The following GMCL1 variants were observed in gnomAD, a reference collection of about 807,000 sequenced individuals.
GMCL1 encodes germ cell-less 1, spermatogenesis associated.
In GMCL1, 54 loss-of-function variants were observed where a neutral mutation model predicts 75.5. The ratio of observed to expected loss-of-function variants is 0.71; its 90% CI spans 0.57 to 0.90. The LOEUF (loss-of-function observed/expected upper bound fraction) is 0.90, where lower values mean the gene tolerates loss of function less well. Ranked by LOEUF, GMCL1 falls within the 40% of genes least tolerant of loss-of-function variation. The probability of loss-of-function intolerance (pLI) is 0.00; values close to 1 mark genes in which losing one functional copy is unlikely to be tolerated. For missense variants in GMCL1, 537 were observed against 622.7 expected, an observed-to-expected ratio of 0.86 and a Z score of 1.47; for synonymous variants, 210 against 209.6, an observed-to-expected ratio of 1.00 and a Z score of -0.02.
intron 8 of GMCL1, among the ~76,000 whole-genome samples, chr2:69,852,904 G>T (rs1170758233): frequency 1.3e-5 from 2 of 152,086 alleles, no homozygotes; most frequent in Admixed American, 1.3e-4. Flanking sequence ...TATGGATCAG[G>T]ACTACAAGAA....
chr2:69,852,011 T>C (rs1037403685), intron 8 of GMCL1, among the ~76,000 whole-genome samples: 14 of 152,206 alleles, frequency 9.2e-5, no homozygotes, highest in African/African-American at 3.4e-4. Flanking sequence ...AATTATACTT[T>C]TGTGTTACGT....
chr2:69,860,329 A>G (rs1163593843), intron 9 of GMCL1, among the ~76,000 whole-genome samples: 1 of 152,102 alleles, frequency 6.6e-6, no homozygotes, highest in African/African-American at 2.4e-5. Flanking sequence ...TAAAATAGCT[A>G]ATGTTTCCAC....
intron 5 of GMCL1, among the ~76,000 whole-genome samples, chr2:69,843,836 C>T (rs1018180901): frequency 3.9e-5 from 6 of 152,106 alleles, no homozygotes; most frequent in African/African-American, 9.7e-5. Context: ...TTGAGAGTTG[C>T]AGTACCTGTT....
chr2:69,830,072 C>T lies in GMCL1; in HGVS notation c.180C>T (p.Cys60=). The change falls in exon 1 of 14, where the codon TGC becomes TGT. Residue 60 remains cysteine (C), a synonymous_variant. Coordinates refer to ENST00000282570, the MANE Select transcript of GMCL1 (RefSeq NM_178439.5). ...GCAAGCGGAGCAGCGGGTCCTTCTG[C>T]TACTGTCACCCTGACTCGGAGACGG... ...HKRKRSSGSF[C]YCHPDSETDE... is the part of the protein sequence containing the mutation. 1.9e-6 allele frequency: 3 copies of T among 1,574,314 alleles called. No individual in the cohort carries two copies. The highest frequency in any genetic ancestry group is 2.6e-6 in the Non-Finnish European group (3 of 1,159,326).
chr2:69,859,918 TA>T (rs200377986), intron 9 of GMCL1, among the ~76,000 whole-genome samples: 1 of 150,314 alleles, frequency 6.7e-6, no homozygotes, highest in Non-Finnish European at 1.5e-5. Flanking sequence ...TTTAAGAACT[TA>T]AAAAAAAATA....
rs377187625 is a variant in GMCL1, at chr2:69,843,305, A to G, written c.692+44A>G. 14 of 1,072,806 alleles carry G rather than the reference A, an allele frequency of 1.3e-5. No individual in the cohort carries two copies. In the African/African-American group the frequency reaches 2.2e-4, roughly 17 times the overall value. The allele number at this position is 1,072,806 out of a possible 1,614,324, so 66.5% of individuals were successfully genotyped here. A position where few individuals can be genotyped will look rare whatever the true frequency, so the allele number is the denominator to read the frequency against. On this transcript the variant is annotated intron_variant, in intron 5 of 13. Coordinates refer to ENST00000282570, the MANE Select transcript of GMCL1 (RefSeq NM_178439.5). ...TTTTCTTCCTATCCCACTTTTAGGAATTTGGTTGCTTTAGTTTCTTAAGAG... is the reference window on the plus strand; with the variant it reads ...TTTTCTTCCTATCCCACTTTTAGGAGTTTGGTTGCTTTAGTTTCTTAAGAG...
chr2:69,836,081 T>C (rs1674810415), intron 1 of GMCL1, among the ~76,000 whole-genome samples: 1 of 152,170 alleles, frequency 6.6e-6, no homozygotes, highest in African/African-American at 2.4e-5. Flanking sequence ...AAGGCACTAG[T>C]TTCCCCATTT....
intron 10 of GMCL1, among the ~76,000 whole-genome samples, chr2:69,862,202 G>A (rs1310131620): frequency 5.3e-5 from 8 of 152,142 alleles, no homozygotes; most frequent in Non-Finnish European, 1.0e-4. Context: ...TATAGGTATT[G>A]TGGAGAGACT....
intron 10 of GMCL1, 31 bp from the exon 11 acceptor site, chr2:69,864,869 A>G (rs1675763376): frequency 9.5e-6 from 13 of 1,372,042 alleles, no homozygotes; most frequent in East Asian, 2.3e-5. Flanking sequence ...CATATTTTCT[A>G]TGAACGTTCA....
In GMCL1 at chr2:69,878,721, C is replaced by T. The variant is rs2168114; in HGVS notation, c.1453-188C>T. Among the ~76,000 whole-genome samples the T allele has an allele frequency of 1.1e-3, 166 of 152,324 alleles. 5 individuals are homozygous for T. In the South Asian group the frequency reaches 0.033, roughly 30 times the overall value. Reference sequence around the variant, plus strand: ...TCCTCCTTTAAGTCAGGTACTCTTACTGTCCCCATCTTACAGTGAGGAAGC... The same window carrying T: ...TCCTCCTTTAAGTCAGGTACTCTTATTGTCCCCATCTTACAGTGAGGAAGC... On this transcript the variant is annotated intron_variant, in intron 13 of 13. Transcript: ENST00000282570.
chr2:69,840,177 G>C (rs745411714), intron 3 of GMCL1: 1 of 152,294 alleles, frequency 6.6e-6, no homozygotes, highest in Non-Finnish European at 1.5e-5. Flanking sequence ...GGGAGGCCAA[G>C]GTGGGTGGAT....
At chr2:69,864,004 T>C (rs1675733097) in intron 10 of GMCL1, among the ~76,000 whole-genome samples, 1 of 152,138 alleles carries the variant, frequency 6.6e-6, no homozygotes, top group Non-Finnish European at 1.5e-5. Flanking sequence ...ATTTACTCTC[T>C]AATGATCCCC....
At chr2:69,853,808 C>A (rs1303728827) in intron 8 of GMCL1, among the ~76,000 whole-genome samples, 2 of 151,928 alleles carry the variant, frequency 1.3e-5, no homozygotes, top group African/African-American at 4.8e-5. Context: ...ATTCTATTTT[C>A]TTTTCTTTTT....
chr2:69,877,434 T>C (rs969612308), intron 13 of GMCL1, among the ~76,000 whole-genome samples: 1 of 152,356 alleles, frequency 6.6e-6, no homozygotes, highest in East Asian at 1.9e-4. Context: ...CTTTTAGTTA[T>C]GGAACAGAAT....
intron 8 of GMCL1, among the ~76,000 whole-genome samples, chr2:69,850,061 G>T (rs976931896): frequency 2.6e-5 from 4 of 152,152 alleles, no homozygotes; most frequent in Non-Finnish European, 2.9e-5. Context: ...CTTGTTGATT[G>T]CATTTGTCTT....
chr2:69,829,728 C>T lies in GMCL1; in HGVS notation c.-165C>T, dbSNP rs991421695. Reference sequence around the variant, plus strand: ...GCGCGGCGCGACCGGACGCTGCGGGCGGGGAAGAGGATGGAGACTGTGGCG... The same window carrying T: ...GCGCGGCGCGACCGGACGCTGCGGGTGGGGAAGAGGATGGAGACTGTGGCG... On this transcript the variant is annotated 5_prime_UTR_variant, in exon 1 of 14. Transcript: ENST00000282570. The T allele has an allele frequency of 1.7e-5, 13 of 746,870 alleles. No individual in the cohort carries two copies. In the South Asian group the frequency reaches 2.0e-4, roughly 11 times the overall value. 46.3% of individuals were successfully genotyped at this position (746,870 alleles called of 1,614,324 possible). A position where few individuals can be genotyped will look rare whatever the true frequency, so the allele number is the denominator to read the frequency against.
At chr2:69,871,860 A>G in intron 13 of GMCL1, 28 bp downstream of exon 13, 1 of 1,296,750 alleles carries the variant, frequency 7.7e-7, no homozygotes, top group South Asian at 1.3e-5. Flanking sequence ...CTGGTATGTC[A>G]TCATAATATT....
chr2:69,844,563 T>TA (rs922464289), intron 6 of GMCL1: 4 of 127,384 alleles, frequency 3.1e-5, no homozygotes, highest in African/African-American at 1.2e-4. Context: ...TTTTTTTTTT[T>TA]ACCTTCAAAA....
chr2:69,865,521 G>T (rs1311651997), intron 11 of GMCL1, among the ~76,000 whole-genome samples: 1 of 151,964 alleles, frequency 6.6e-6, no homozygotes, highest in Non-Finnish European at 1.5e-5. Flanking sequence ...GGTGGTGCAT[G>T]CCTGTAAACC....
Sources: gnomAD v4.1 joint callset for allele counts (sites outside exome capture counted in the v4.1 genomes callset) on GRCh38, gnomAD v4.1.1 for gene constraint, MANE v1.5 for transcripts, NCBI Gene and HGNC (gene_info 2026-07-23, HGNC 2026-07-21) for gene names.